KDM4C: variants seen among roughly 807,000 people sequenced by gnomAD.
KDM4C encodes lysine-specific demethylase 4C.
A neutral mutation model predicts 129.3 loss-of-function variants in KDM4C; 81 were observed. That is an observed-to-expected ratio of 0.63 (90% CI 0.52 to 0.75). The LOEUF is 0.75. Ranked by LOEUF, KDM4C falls within the 30% of genes least tolerant of loss-of-function variation. The probability of loss-of-function intolerance (pLI) is 0.00; values close to 1 mark genes in which losing one functional copy is unlikely to be tolerated. For synonymous variants in KDM4C, 573 were observed against 456.1 expected (o/e 1.26, Z -3.26); for missense variants, 1,457 against 1,304.0 (o/e 1.12, Z -1.81).
chr9:6,749,919 G>A (rs1241456082), intron 1 of KDM4C, among the ~76,000 whole-genome samples: 1 of 149,520 alleles, frequency 6.7e-6, no homozygotes, highest in Admixed American at 6.7e-5. Flanking sequence ...CAGGGGGGCG[G>A]AGGTTGCAGT....
intron 17 of KDM4C, among the ~76,000 whole-genome samples, chr9:7,065,259 A>G (rs1359807220): frequency 6.6e-6 from 1 of 152,070 alleles, no homozygotes; most frequent in African/African-American, 2.4e-5. Flanking sequence ...ATTTTAAACT[A>G]TGGACTTTTT....
chr9:7,007,575 A>C (rs747477777), intron 12 of KDM4C, among the ~76,000 whole-genome samples: 39 of 152,342 alleles, frequency 2.6e-4, no homozygotes, highest in Admixed American at 4.6e-4. Flanking sequence ...AGCCTACATC[A>C]GGTGTTTTTA....
At position 6,987,593 on chromosome 9, in the gene KDM4C, A is replaced by G. The variant is rs187751724; in HGVS notation, c.1677+927A>G. On this transcript the variant is annotated intron_variant, in intron 11 of 21. Coordinates refer to ENST00000381309, the MANE Select transcript of KDM4C (RefSeq NM_015061.6). ...CACTGCTCCTGCTGGTTTCAACTCA[A>G]AATAGATCCTTGTGTCCCTGAGTAG... Among the ~76,000 whole-genome samples the G allele has an allele frequency of 4.8e-3, 735 of 152,282 alleles. 6 individuals are homozygous for G. Among genetic ancestry groups the G allele is most frequent in the African/African-American group, 0.016 (655 of 41,564 alleles).
intron 8 of KDM4C, among the ~76,000 whole-genome samples, chr9:6,960,073 C>T (rs1417210565): frequency 6.6e-6 from 1 of 151,746 alleles, no homozygotes; most frequent in Non-Finnish European, 1.5e-5. Flanking sequence ...TGATCCAAGT[C>T]CCTGAGAGAT....
At chr9:7,070,326 T>C (rs1399179620) in intron 17 of KDM4C, among the ~76,000 whole-genome samples, 2 of 152,184 alleles carry the variant, frequency 1.3e-5, no homozygotes, top group African/African-American at 2.4e-5. Context: ...GAAGAAATTA[T>C]AGCAGTTCTA....
At chr9:6,777,253 G>T (rs1001040775) in intron 1 of KDM4C, among the ~76,000 whole-genome samples, 3 of 152,170 alleles carry the variant, frequency 2.0e-5, no homozygotes, top group African/African-American at 7.2e-5. Context: ...CAGACCTTAA[G>T]CACCCAAAGC....
intron 6 of KDM4C, among the ~76,000 whole-genome samples, chr9:6,884,643 C>T (rs913818876): frequency 6.6e-6 from 1 of 152,108 alleles, no homozygotes; most frequent in Non-Finnish European, 1.5e-5. Flanking sequence ...TCTTTCCTTC[C>T]TCCCTCCTTT....
At chr9:6,849,294 T>C (rs989777116) in intron 4 of KDM4C, among the ~76,000 whole-genome samples, 9 of 152,242 alleles carry the variant, frequency 5.9e-5, no homozygotes, top group Non-Finnish European at 1.2e-4. Context: ...CAGATAGTTG[T>C]ATGGAACCAC....
At chr9:7,166,142 T>C (rs1844358274) in intron 20 of KDM4C, among the ~76,000 whole-genome samples, 1 of 152,142 alleles carries the variant, frequency 6.6e-6, no homozygotes, top group Non-Finnish European at 1.5e-5. Context: ...ATTCTCAGGC[T>C]AAACTGTAGA....
chr9:7,060,727 G>A (rs1831534722), intron 17 of KDM4C, among the ~76,000 whole-genome samples: 1 of 152,010 alleles, frequency 6.6e-6, no homozygotes, highest in South Asian at 2.1e-4. Context: ...TGATCCGCCT[G>A]CCTCGGCCTC....
At chr9:6,877,993 CAGAAGAG>C (rs1843826797) in intron 5 of KDM4C, among the ~76,000 whole-genome samples, 1 of 152,114 alleles carries the variant, frequency 6.6e-6, no homozygotes, top group Non-Finnish European at 1.5e-5. Flanking sequence ...GCATTGATAA[CAGAAGAG>C]AGAAGCATGT....
chr9:6,727,864 A>G (rs820518), intron 1 of KDM4C, among the ~76,000 whole-genome samples: 19,948 of 150,502 alleles, frequency 0.13, 1,501 homozygotes, highest in Non-Finnish European at 0.17. Context: ...CTGAAATCAC[A>G]TGCCTATGTA....
chr9:6,856,918 C>T (rs568267854), intron 5 of KDM4C, among the ~76,000 whole-genome samples: 190 of 151,996 alleles, frequency 1.3e-3, no homozygotes, highest in African/African-American at 4.1e-3. Flanking sequence ...CCACCGCGCC[C>T]GGCTAATTTT....
chr9:7,068,651 TTCTG>T (rs1248668913), intron 17 of KDM4C, among the ~76,000 whole-genome samples: 2 of 151,654 alleles, frequency 1.3e-5, no homozygotes, highest in South Asian at 2.1e-4. Context: ...GCTCCTTTTC[TTCTG>T]TCTATTTCAT....
chr9:6,732,181 AC>A (rs1486503458), intron 1 of KDM4C, among the ~76,000 whole-genome samples: 1 of 151,508 alleles, frequency 6.6e-6, no homozygotes, highest in African/African-American at 2.4e-5. Flanking sequence ...CCTGGCTAAC[AC>A]AGTGAAACCC....
At chr9:6,757,754 T>C (rs1253394896), upstream of KDM4C, 1 of 985,638 alleles carries the variant, frequency 1.0e-6, no homozygotes, top group Non-Finnish European at 1.2e-6. Context: ...ACCTGTTTTC[T>C]CCTTCTACGC....
chr9:7,055,533 CTGTACACTTTAAAATT>C (rs1475262502), intron 17 of KDM4C, among the ~76,000 whole-genome samples: 3 of 152,190 alleles, frequency 2.0e-5, no homozygotes, highest in Non-Finnish European at 4.4e-5. Context: ...TTAGAAGCCT[CTGTACACTTTAAAATT>C]TGTACCTGAA....
chr9:7,051,182 A>G (rs573644776), intron 17 of KDM4C, among the ~76,000 whole-genome samples: 12 of 152,312 alleles, frequency 7.9e-5, no homozygotes, highest in African/African-American at 2.9e-4. Flanking sequence ...TCCTCATCAA[A>G]ATGCTTGTAG....
At chr9:7,101,444 G>A (rs927895028) in intron 17 of KDM4C, among the ~76,000 whole-genome samples, 9 of 152,296 alleles carry the variant, frequency 5.9e-5, no homozygotes, top group Middle Eastern at 3.4e-3. Context: ...TAGGTTTTAT[G>A]GGGTTCTCTG....
Sources: allele counts gnomAD v4.1 joint callset (sites outside exome capture counted in the v4.1 genomes callset), GRCh38; gene constraint gnomAD v4.1.1; transcripts MANE v1.5; gene names NCBI Gene and HGNC (gene_info 2026-07-23, HGNC 2026-07-21).